Variants in CHL1 observed in about 807,000 individuals in gnomAD.
CHL1 encodes the protein cell adhesion molecule L1 like, also known as neural cell adhesion molecule L1-like protein.
A neutral mutation model predicts 141.9 loss-of-function variants in CHL1; 96 were observed. That is an observed-to-expected ratio of 0.68 (90% CI 0.57 to 0.80). The LOEUF (loss-of-function observed/expected upper bound fraction) is 0.80. CHL1 is among the 30% of genes least tolerant of loss of function. CHL1 has a pLI of 0.00. For synonymous variants in CHL1, 613 were observed against 502.2 expected, an observed-to-expected ratio of 1.22 and a Z score of -2.95; for missense variants, 1,820 against 1,457.2, an observed-to-expected ratio of 1.25 and a Z score of -4.05.
At chr3:207,126 G>C (rs1164988030) in intron 1 of CHL1, among the ~76,000 whole-genome samples, 1 of 152,210 alleles carries the variant, frequency 6.6e-6, no homozygotes, top group East Asian at 1.9e-4. Flanking sequence ...ATATTTGGGA[G>C]TTTTAAGAGA....
chr3:210,742 G>A (rs771538465), intron 1 of CHL1, among the ~76,000 whole-genome samples: 4 of 152,210 alleles, frequency 2.6e-5, no homozygotes, highest in Non-Finnish European at 5.9e-5. Context: ...CACTCACCAT[G>A]TGACTGCTTA....
intron 2 of CHL1, 124 bp from the exon 3 acceptor site, chr3:319,559 C>T (rs1280225724): frequency 6.9e-6 from 3 of 435,398 alleles, no homozygotes; most frequent in Non-Finnish European, 1.2e-5. Flanking sequence ...TATGAGAGAA[C>T]AGTTTCATAA....
intron 2 of CHL1, among the ~76,000 whole-genome samples, chr3:259,881 G>A (rs1028679313): frequency 6.6e-6 from 1 of 152,106 alleles, no homozygotes; most frequent in Admixed American, 6.6e-5. Context: ...CTTTTCTAGT[G>A]TTTCATCTGT....
chr3:336,767 G>A (rs530735894), intron 5 of CHL1, among the ~76,000 whole-genome samples: 1 of 152,288 alleles, frequency 6.6e-6, no homozygotes, highest in South Asian at 2.1e-4. Context: ...TGTATATTAT[G>A]TTGAAATAAT....
intron 1 of CHL1, among the ~76,000 whole-genome samples, chr3:239,023 C>T (rs1200693660): frequency 2.0e-5 from 3 of 151,814 alleles, no homozygotes; most frequent in Non-Finnish European, 4.4e-5. Flanking sequence ...GCTTATATAG[C>T]AGCTGTCAAG....
At chr3:226,710 G>A (rs920204146) in intron 1 of CHL1, among the ~76,000 whole-genome samples, 1 of 152,108 alleles carries the variant, frequency 6.6e-6, no homozygotes, top group Non-Finnish European at 1.5e-5. Context: ...ACCTCCCAAA[G>A]TGCTGAGATT....
intron 9 of CHL1, among the ~76,000 whole-genome samples, chr3:347,634 G>GA (rs749251228): frequency 1.1e-4 from 16 of 152,160 alleles, no homozygotes; most frequent in African/African-American, 1.7e-4. Flanking sequence ...ATGGACTCTT[G>GA]AAAAAATCCT....
chr3:398,955 T>A (rs1244215125), intron 25 of CHL1, 62 bp from the exon 26 acceptor site: 1 of 1,501,826 alleles, frequency 6.7e-7, no homozygotes, highest in Non-Finnish European at 9.2e-7. Context: ...TTTTCCCCAA[T>A]GTTACAGAAT....
chr3:358,663 A>T (rs1703933564), intron 11 of CHL1, among the ~76,000 whole-genome samples: 1 of 152,076 alleles, frequency 6.6e-6, no homozygotes, highest in Non-Finnish European at 1.5e-5. Context: ...CACACTGCAC[A>T]ACCTCACACT....
chr3:276,618 G>A (rs962338896), intron 2 of CHL1, among the ~76,000 whole-genome samples: 63 of 151,706 alleles, frequency 4.2e-4, no homozygotes, highest in East Asian at 3.1e-3. Context: ...GGCTGGGCAC[G>A]GTGGCTCACA....
chr3:234,464 T>C lies in CHL1; in HGVS notation c.-174-10149T>C, dbSNP rs148214514. The stretch of plus-strand genomic sequence containing the variant: ...TGAGACGTTACGTAGTTATCAAGAC[T>C]AAAATACAAAGACAGCCCTGAAAAT... On this transcript the variant is annotated intron_variant, in intron 1 of 27. Coordinates refer to ENST00000256509, the MANE Select transcript of CHL1 (RefSeq NM_006614.4). Among the ~76,000 whole-genome samples the C allele has an allele frequency of 1.0e-3, 155 of 152,172 alleles. 2 individuals are homozygous for C. The South Asian group carries it at 0.028, about 28-fold the overall frequency.
chr3:378,777 C>T (rs1162592322), intron 16 of CHL1, among the ~76,000 whole-genome samples: 3 of 152,194 alleles, frequency 2.0e-5, no homozygotes, highest in Non-Finnish European at 4.4e-5. Context: ...TCTCCTCACA[C>T]CATTCCTTCT....
chr3:204,673 G>A (rs1699252934), intron 1 of CHL1, among the ~76,000 whole-genome samples: 1 of 152,148 alleles, frequency 6.6e-6, no homozygotes, highest in Non-Finnish European at 1.5e-5. Flanking sequence ...TATTGGTTAT[G>A]TTCAAAAGAA....
intron 13 of CHL1, among the ~76,000 whole-genome samples, chr3:362,432 C>T (rs553767120): frequency 1.3e-5 from 2 of 151,992 alleles, no homozygotes; most frequent in Admixed American, 6.6e-5. Context: ...AATCATGATA[C>T]GTATTTTGTT....
chr3:211,260 T>C (rs1699882780), intron 1 of CHL1, among the ~76,000 whole-genome samples: 1 of 152,192 alleles, frequency 6.6e-6, no homozygotes, highest in African/African-American at 2.4e-5. Flanking sequence ...GAAATAATGA[T>C]GATACATCGG....
intron 2 of CHL1, among the ~76,000 whole-genome samples, chr3:256,132 G>C (rs1694139910): frequency 6.6e-6 from 1 of 152,200 alleles, no homozygotes; most frequent in Non-Finnish European, 1.5e-5. Flanking sequence ...AAGTAAGGAG[G>C]TTTCATGCTT....
At chr3:289,342 T>C (rs1697453081) in intron 2 of CHL1, among the ~76,000 whole-genome samples, 1 of 152,214 alleles carries the variant, frequency 6.6e-6, no homozygotes, top group South Asian at 2.1e-4. Flanking sequence ...AATTATTTGC[T>C]TTATTCCCTG....
At chr3:257,342 C>A (rs455239) in intron 2 of CHL1, among the ~76,000 whole-genome samples, 4 of 149,498 alleles carry the variant, frequency 2.7e-5, no homozygotes, top group Admixed American at 6.6e-5. Flanking sequence ...TCCTTTTCTT[C>A]TTTTCTTCTT....
intron 5 of CHL1, among the ~76,000 whole-genome samples, chr3:330,012 T>A (rs1373150412): frequency 6.6e-6 from 1 of 151,982 alleles, no homozygotes; most frequent in East Asian, 1.9e-4. Context: ...ATATAGAAGA[T>A]TTAAAGAATA....
Sources: allele counts gnomAD v4.1 joint callset (sites outside exome capture counted in the v4.1 genomes callset), GRCh38; gene constraint gnomAD v4.1.1; transcripts MANE v1.5; gene names NCBI Gene and HGNC (gene_info 2026-07-23, HGNC 2026-07-21).